FAAH2: variants seen among roughly 807,000 people sequenced by gnomAD.
FAAH2 encodes the protein fatty-acid amide hydrolase 2.
Under a neutral mutation model 36.9 loss-of-function variants are expected in FAAH2, and 60 were observed. That is an observed-to-expected ratio of 1.63 (90% CI 1.32 to 2.02). The LOEUF is 2.02. Ranked by LOEUF, FAAH2 falls within the 30% of genes most tolerant of loss-of-function variation. The pLI is 0.00. For synonymous variants in FAAH2, 214 were observed against 143.8 expected (o/e 1.49, Z -3.49); for missense variants, 689 against 397.5 (o/e 1.73, Z -6.23).
intron 7 of FAAH2, among the ~76,000 whole-genome samples, chrX:57,424,705 G>C (rs2056118454): frequency 8.9e-6 from 1 of 111,971 alleles, no homozygotes; most frequent in Non-Finnish European, 1.9e-5. Context: ...AAACATTATA[G>C]TCATATCTCC....
chrX:57,206,922 G>T, the FAAH2 span, among the ~76,000 whole-genome samples: 2 of 111,751 alleles, frequency 1.8e-5, no homozygotes, highest in Non-Finnish European at 3.8e-5. Context: ...TAATTGTTCA[G>T]TAACTAAGTC....
intron 3 of FAAH2, among the ~76,000 whole-genome samples, chrX:57,320,417 A>G (rs1341180031): frequency 8.9e-6 from 1 of 112,671 alleles, no homozygotes; most frequent in Non-Finnish European, 1.9e-5. Flanking sequence ...CATATGAAAA[A>G]AAGCTCATCA....
chrX:57,481,693 C>T (rs1428043890), intron 10 of FAAH2, among the ~76,000 whole-genome samples: 1 of 112,054 alleles, frequency 8.9e-6, no homozygotes, highest in Non-Finnish European at 1.9e-5. Context: ...GTTGGGAGGT[C>T]TCTCCCAGTC....
At chrX:57,231,610 C>T in the FAAH2 span, among the ~76,000 whole-genome samples, 2 of 111,394 alleles carry the variant, frequency 1.8e-5, no homozygotes, top group Non-Finnish European at 3.8e-5. Context: ...TACAATAATG[C>T]CATGAGGTAG....
chrX:57,478,503 T>G (rs947118500), intron 10 of FAAH2, among the ~76,000 whole-genome samples: 3 of 111,912 alleles, frequency 2.7e-5, no homozygotes, highest in African/African-American at 9.7e-5. Flanking sequence ...TAGATCCCAT[T>G]TGTCAATTTT....
the FAAH2 span, among the ~76,000 whole-genome samples, chrX:57,149,970 C>T: frequency 9.0e-6 from 1 of 111,610 alleles, no homozygotes; most frequent in African/African-American, 3.3e-5. Context: ...TCTTTGTTCT[C>T]ATTGGTTTCA....
At chrX:57,255,568 T>G in the FAAH2 span, among the ~76,000 whole-genome samples, 1 of 111,939 alleles carries the variant, frequency 8.9e-6, no homozygotes, top group Admixed American at 9.5e-5. Flanking sequence ...ATCAGAAATC[T>G]TATCCACCAC....
At position 57,488,911 on chromosome X, in the gene FAAH2, G is replaced by A. The variant is rs770396438; in HGVS notation, c.1578G>A (p.Trp526Ter). ...AQYLEKTFGG[W>*]VCPGKF ...ACTTGGAGAAAACTTTTGGGGGCTG[G>A]GTCTGTCCAGGAAAGTTTTAGGAGG... The change falls in exon 11 of 11, where the codon TGG becomes TGA. Residue 526 changes from tryptophan (W) to a stop codon, truncating the protein, a stop_gained. Coordinates refer to ENST00000374900, the MANE Select transcript of FAAH2 (RefSeq NM_174912.4). LOFTEE classifies it high-confidence loss of function. 9.9e-6 allele frequency: 12 copies of A among 1,209,903 alleles called. No homozygotes were observed. Among genetic ancestry groups the A allele is most frequent in the South Asian group, 8.8e-5 (5 of 56,742 alleles).
chrX:57,305,062 T>TTGTGTGTG (rs60804398), intron 2 of FAAH2, among the ~76,000 whole-genome samples: 1 of 103,783 alleles, frequency 9.6e-6, no homozygotes. Flanking sequence ...TTCTGTAATT[T>TTGTGTGTG]TGTGTGTGTG....
At position 57,375,177 on chromosome X, in the gene FAAH2, T is replaced by C. The variant is rs529693771; in HGVS notation, c.743-3474T>C. ...GTCCATCAGGGATATTGGTCTGTAGTTGTTTTTTTGTTGATGTTATGTCCT... is the reference window on the plus strand; with the variant it reads ...GTCCATCAGGGATATTGGTCTGTAGCTGTTTTTTTGTTGATGTTATGTCCT... On this transcript the variant is annotated intron_variant, in intron 5 of 10. Coordinates refer to ENST00000374900, the MANE Select transcript of FAAH2 (RefSeq NM_174912.4). Among the ~76,000 whole-genome samples the C allele has an allele frequency of 1.0e-4, 11 of 109,479 alleles. No individual in the cohort carries two copies. In the South Asian group the frequency reaches 4.4e-3, roughly 44 times the overall value.
At chrX:57,221,221 C>T in the FAAH2 span, among the ~76,000 whole-genome samples, 1 of 111,013 alleles carries the variant, frequency 9.0e-6, no homozygotes, top group Non-Finnish European at 1.9e-5. Context: ...TCCAAAACTC[C>T]ACACTACTTT....
chrX:57,330,868 G>A (rs1447287037), intron 3 of FAAH2, among the ~76,000 whole-genome samples: 1 of 110,713 alleles, frequency 9.0e-6, no homozygotes, highest in Non-Finnish European at 1.9e-5. Context: ...CCAGGACTTT[G>A]CAGGTCAGGT....
chrX:57,440,787 C>G (rs1232776759), intron 8 of FAAH2, among the ~76,000 whole-genome samples: 1 of 111,329 alleles, frequency 9.0e-6, no homozygotes, highest in African/African-American at 3.3e-5. Flanking sequence ...TCAATACCTA[C>G]TTTATGGAGG....
At chrX:57,253,819 A>T in the FAAH2 span, among the ~76,000 whole-genome samples, 1 of 111,904 alleles carries the variant, frequency 8.9e-6, no homozygotes, top group African/African-American at 3.2e-5. Flanking sequence ...CTGTAAAAAC[A>T]TGCCAAATTG....
At chrX:57,335,941 C>T (rs2053539655) in intron 4 of FAAH2, among the ~76,000 whole-genome samples, 2 of 111,703 alleles carry the variant, frequency 1.8e-5, no homozygotes, top group African/African-American at 6.5e-5. Flanking sequence ...GCCCTTAATC[C>T]ATTTAACCCT....
the FAAH2 span, among the ~76,000 whole-genome samples, chrX:57,278,766 CA>C: frequency 9.0e-6 from 1 of 110,625 alleles, no homozygotes; most frequent in East Asian, 2.8e-4. Flanking sequence ...AAGAAAAAAA[CA>C]AAAAAACACA....
At chrX:57,395,121 G>A (rs903849175) in intron 7 of FAAH2, 3 of 538,123 alleles carry the variant, frequency 5.6e-6, no homozygotes, top group African/African-American at 2.3e-5. Context: ...GCTGCACTAC[G>A]AACCCGTGTA....
chrX:57,216,836 A>T, the FAAH2 span, among the ~76,000 whole-genome samples: 2 of 106,095 alleles, frequency 1.9e-5, no homozygotes, highest in African/African-American at 3.4e-5. Context: ...TTAGGTCTTT[A>T]AGGAATCTCC....
At chrX:57,478,967 G>A (rs1411840366) in intron 10 of FAAH2, among the ~76,000 whole-genome samples, 1 of 111,620 alleles carries the variant, frequency 9.0e-6, no homozygotes, top group African/African-American at 3.3e-5. Context: ...ACTTGGCAAT[G>A]TGGGCTCTTT....
Sources: gnomAD v4.1 joint callset for allele counts (sites outside exome capture counted in the v4.1 genomes callset) on GRCh38, gnomAD v4.1.1 for gene constraint, MANE v1.5 for transcripts, NCBI Gene and HGNC (gene_info 2026-07-23, HGNC 2026-07-21) for gene names.